The following MYO1D variants were observed in gnomAD, a reference collection of about 807,000 sequenced individuals.
MYO1D encodes the protein unconventional myosin-Id.
A neutral mutation model predicts 122.0 loss-of-function variants in MYO1D; 83 were observed. The observed-to-expected ratio is 0.68, with a 90% CI of 0.57 to 0.82. MYO1D has a LOEUF of 0.82. Among genes scored for constraint, MYO1D ranks in the 40% least tolerant of loss-of-function variants. The probability of loss-of-function intolerance (pLI) is 0.00; values close to 1 mark genes in which losing one functional copy is unlikely to be tolerated. For synonymous variants in MYO1D, 464 were observed against 446.9 expected, an observed-to-expected ratio of 1.04 and a Z score of -0.48; for missense variants, 1,157 against 1,269.5, an observed-to-expected ratio of 0.91 and a Z score of 1.35.
intron 16 of MYO1D, among the ~76,000 whole-genome samples, chr17:32,683,137 G>T (rs1384240439): frequency 7.4e-6 from 1 of 135,788 alleles, no homozygotes; most frequent in East Asian, 2.2e-4. Flanking sequence ...GGTTATTCTA[G>T]TTATACATTC....
At chr17:32,691,404 C>CTTTTTTT (rs57902806) in intron 16 of MYO1D, among the ~76,000 whole-genome samples, 1 of 110,464 alleles carries the variant, frequency 9.1e-6, no homozygotes, top group Non-Finnish European at 1.8e-5. Context: ...AAAGAAAATT[C>CTTTTTTT]TTTTTTTTTT....
At chr17:32,560,528 C>CATATATATATATAT (rs56214129) in intron 21 of MYO1D, among the ~76,000 whole-genome samples, 39 of 65,414 alleles carry the variant, frequency 6.0e-4, no homozygotes, top group East Asian at 9.4e-4. Flanking sequence ...CCAGAGACAA[C>CATATATATATATAT]ATATATATAT....
intron 21 of MYO1D, among the ~76,000 whole-genome samples, chr17:32,548,790 T>A (rs2086986865): frequency 6.6e-6 from 1 of 151,386 alleles, no homozygotes; most frequent in African/African-American, 2.4e-5. Context: ...CTTGGCTCTC[T>A]GCAACCTCTG....
intron 21 of MYO1D, among the ~76,000 whole-genome samples, chr17:32,554,543 T>TC (rs1193974501): frequency 4.6e-5 from 7 of 152,200 alleles, no homozygotes; most frequent in African/African-American, 1.7e-4. Context: ...ATTTACCTGA[T>TC]CTTTCAGTGG....
At position 32,782,841 on chromosome 17, in the gene MYO1D, G is replaced by A. The variant is rs142231101; in HGVS notation, c.96-2057C>T. On this transcript the variant is annotated intron_variant, in intron 1 of 21. Transcript: ENST00000318217. ...TCCTAGCTACTTGGGAGGCTGAGGCGGGAGGATCGGTTGAACCTGGGAGGC... is the reference window on the plus strand; with the variant it reads ...TCCTAGCTACTTGGGAGGCTGAGGCAGGAGGATCGGTTGAACCTGGGAGGC... 1.1e-3 allele frequency among the ~76,000 whole-genome samples: 172 copies of A among 152,044 alleles called. 2 individuals are homozygous for A. In the East Asian group the frequency reaches 0.028, roughly 25 times the overall value.
chr17:32,647,009 T>C (rs1421412783), intron 19 of MYO1D, among the ~76,000 whole-genome samples: 2 of 152,242 alleles, frequency 1.3e-5, no homozygotes, highest in Non-Finnish European at 2.9e-5. Flanking sequence ...AACCCTCATC[T>C]TGTTTCTTCT....
intron 1 of MYO1D, among the ~76,000 whole-genome samples, chr17:32,825,266 ATTTC>A (rs2090710698): frequency 1.3e-5 from 2 of 152,052 alleles, no homozygotes; most frequent in African/African-American, 2.4e-5. Flanking sequence ...ATGATTTTTC[ATTTC>A]TTTTTCTTTT....
At chr17:32,706,226 C>A (rs2089307075) in intron 16 of MYO1D, among the ~76,000 whole-genome samples, 1 of 152,158 alleles carries the variant, frequency 6.6e-6, no homozygotes. Context: ...CGTTCTTCAG[C>A]CTCCTGAGTA....
At chr17:32,673,321 C>A (rs905273331) in intron 16 of MYO1D, among the ~76,000 whole-genome samples, 1 of 151,634 alleles carries the variant, frequency 6.6e-6, no homozygotes, top group Non-Finnish European at 1.5e-5. Flanking sequence ...CCAGGCTGGT[C>A]CTGAACTCTT....
At chr17:32,875,425 C>T (rs990486057) in intron 1 of MYO1D, among the ~76,000 whole-genome samples, 1 of 152,184 alleles carries the variant, frequency 6.6e-6, no homozygotes, top group Admixed American at 6.5e-5. Context: ...ATTTAACCCT[C>T]AGGACAACCC....
chr17:32,812,888 T>C (rs1664832984), intron 1 of MYO1D, among the ~76,000 whole-genome samples: 1 of 152,234 alleles, frequency 6.6e-6, no homozygotes, highest in Non-Finnish European at 1.5e-5. Context: ...TTTATATGTA[T>C]AGGCCATTTA....
intron 1 of MYO1D, among the ~76,000 whole-genome samples, chr17:32,868,420 G>C (rs576732123): frequency 1.3e-5 from 2 of 152,082 alleles, no homozygotes; most frequent in African/African-American, 4.8e-5. Flanking sequence ...TGTCTATTTC[G>C]TGTTCTTGCA....
intron 21 of MYO1D, among the ~76,000 whole-genome samples, chr17:32,508,069 G>A (rs778489744): frequency 2.0e-5 from 3 of 151,866 alleles, no homozygotes; most frequent in Non-Finnish European, 2.9e-5. Context: ...GGCAATTTTT[G>A]TATTTTTAGT....
intron 21 of MYO1D, among the ~76,000 whole-genome samples, chr17:32,601,757 A>G (rs1368952089): frequency 1.3e-5 from 2 of 152,234 alleles, no homozygotes; most frequent in Non-Finnish European, 2.9e-5. Context: ...GGGTTGCCAT[A>G]AACCTTCAAT....
intron 4 of MYO1D, among the ~76,000 whole-genome samples, chr17:32,775,641 C>T (rs1322884770): frequency 6.6e-6 from 1 of 152,170 alleles, no homozygotes; most frequent in African/African-American, 2.4e-5. Context: ...CCCATTCACA[C>T]GCATAGCTAA....
At chr17:32,673,132 C>T (rs1251469436) in intron 16 of MYO1D, among the ~76,000 whole-genome samples, 1 of 25,990 alleles carries the variant, frequency 3.8e-5, no homozygotes, top group African/African-American at 9.8e-5. Flanking sequence ...TTTTTTGAGA[C>T]AGAGACTTGC....
intron 16 of MYO1D, among the ~76,000 whole-genome samples, chr17:32,687,134 C>G (rs948210259): frequency 6.6e-6 from 1 of 151,504 alleles, no homozygotes; most frequent in Non-Finnish European, 1.5e-5. Context: ...CCTTACCCCC[C>G]GCCCGCACCC....
rs141348918 is a variant in MYO1D, at chr17:32,557,814, C to T, written c.2864+47273G>A. ...CATAATTATATAATGTTTTGTGACACCTGAAAATTATATAAAATTCAAATT... is the reference window on the plus strand; with the variant it reads ...CATAATTATATAATGTTTTGTGACATCTGAAAATTATATAAAATTCAAATT... On this transcript the variant is annotated intron_variant, in intron 21 of 21. Coordinates refer to ENST00000318217, the MANE Select transcript of MYO1D (RefSeq NM_015194.3). Among the ~76,000 whole-genome samples the T allele has an allele frequency of 2.0e-5, 3 of 151,970 alleles. No homozygotes were observed. In the East Asian group the frequency reaches 5.9e-4, roughly 30 times the overall value.
chr17:32,609,844 C>A (rs138246648), intron 20 of MYO1D, among the ~76,000 whole-genome samples: 77 of 151,464 alleles, frequency 5.1e-4, no homozygotes, highest in African/African-American at 1.8e-3. Context: ...CTTTCTGAGG[C>A]CATTGGTAAG....
Sources: gnomAD v4.1 joint callset for allele counts (sites outside exome capture counted in the v4.1 genomes callset) on GRCh38, gnomAD v4.1.1 for gene constraint, MANE v1.5 for transcripts, NCBI Gene and HGNC (gene_info 2026-07-23, HGNC 2026-07-21) for gene names.